Variants in THRB observed in about 807,000 individuals in gnomAD.
THRB encodes the protein nuclear receptor subfamily 1 group A member 2.
Under a neutral mutation model 47.8 loss-of-function variants are expected in THRB, and 12 were observed. The ratio of observed to expected loss-of-function variants is 0.25; its 90% CI spans 0.16 to 0.41. The LOEUF is 0.41. Ranked by LOEUF, THRB falls within the 10% of genes least tolerant of loss-of-function variation. The pLI, the probability that THRB is intolerant of heterozygous loss-of-function variation, is 1.00. For missense variants in THRB, 348 were observed against 589.2 expected (o/e 0.59, Z 4.24); for synonymous variants, 218 against 212.2 (o/e 1.03, Z -0.24).
chr3:24,494,344 G>A (rs1698682926), intron 1 of THRB: 1 of 152,294 alleles, frequency 6.6e-6, no homozygotes, highest in Non-Finnish European at 1.5e-5. Context: ...TGGGGTTTGA[G>A]GAACAGAGCC....
At chr3:24,199,015 T>C (rs369768617) in intron 4 of THRB, among the ~76,000 whole-genome samples, 2 of 152,354 alleles carry the variant, frequency 1.3e-5, no homozygotes, top group African/African-American at 4.8e-5. Flanking sequence ...AGCTCAGATT[T>C]ATGGAGCATT....
At chr3:24,251,712 C>T (rs1446800389) in intron 3 of THRB, among the ~76,000 whole-genome samples, 1 of 151,868 alleles carries the variant, frequency 6.6e-6, no homozygotes, top group African/African-American at 2.4e-5. Flanking sequence ...CCTGAAAATG[C>T]CAAATCCAGA....
chr3:24,299,925 G>A (rs550220854), intron 2 of THRB, among the ~76,000 whole-genome samples: 38 of 151,970 alleles, frequency 2.5e-4, no homozygotes, highest in African/African-American at 7.2e-4. Context: ...GGAAAGAGGA[G>A]CAGGACAGCT....
chr3:24,304,174 C>T (rs934160058), intron 2 of THRB, among the ~76,000 whole-genome samples: 4 of 152,048 alleles, frequency 2.6e-5, no homozygotes, highest in Admixed American at 6.5e-5. Flanking sequence ...AATATTTGAA[C>T]GACATATTCT....
Position 24,146,684 on chromosome 3 carries a change from C to G in THRB, c.523G>C (p.Ala175Pro). The G allele has an allele frequency of 6.2e-7, 1 of 1,614,050 alleles. No individual in the cohort carries two copies. Among genetic ancestry groups the G allele is most frequent in the Non-Finnish European group, 8.5e-7 (1 of 1,179,900 alleles). ...RFKKCIYVGM[A>P]TDLVLDDSKR... ...GTGAAGATCTACTTACAATCTGTTGCCATGCCAACATAGATGCATTTCTTA... is the reference window on the plus strand; with the variant it reads ...GTGAAGATCTACTTACAATCTGTTGGCATGCCAACATAGATGCATTTCTTA... Residue 175 changes from alanine (A) to proline (P), a missense_variant, in exon 7 of 11, where the codon GCA (alanine) becomes CCA (proline). By Grantham distance (27) the Ala-to-Pro change is conservative. This residue lies in a region of THRB where 112 missense variants were observed against 212.3 expected (regional missense o/e 0.53). Coordinates refer to ENST00000646209, the MANE Select transcript of THRB (RefSeq NM_001354712.2).
chr3:24,187,896 T>C (rs2042804059), intron 5 of THRB, among the ~76,000 whole-genome samples: 1 of 152,188 alleles, frequency 6.6e-6, no homozygotes, highest in Non-Finnish European at 1.5e-5. Context: ...ATGACACAGG[T>C]TTCCTGGTGG....
chr3:24,241,261 C>T (rs780205500), intron 3 of THRB, among the ~76,000 whole-genome samples: 43 of 152,258 alleles, frequency 2.8e-4, no homozygotes, highest in Middle Eastern at 3.4e-3. Context: ...GGGGTTTTCA[C>T]GGCAGAATCA....
At chr3:24,436,254 G>T (rs1293148610) in intron 1 of THRB, among the ~76,000 whole-genome samples, 6 of 151,864 alleles carry the variant, frequency 4.0e-5, no homozygotes, top group African/African-American at 7.3e-5. Flanking sequence ...ACAGAAGAAG[G>T]AATACTGGCA....
chr3:24,205,288 G>C (rs939599305), intron 4 of THRB, among the ~76,000 whole-genome samples: 1 of 152,212 alleles, frequency 6.6e-6, no homozygotes, highest in African/African-American at 2.4e-5. Flanking sequence ...AAGCCCATCA[G>C]ACTAATAGCA....
chr3:24,397,070 T>A (rs2067019221), intron 1 of THRB, among the ~76,000 whole-genome samples: 1 of 152,062 alleles, frequency 6.6e-6, no homozygotes. Context: ...AGGGAAACAA[T>A]TAGAACTCAG....
intron 3 of THRB, among the ~76,000 whole-genome samples, chr3:24,286,897 C>T (rs140461692): frequency 1.3e-5 from 2 of 152,090 alleles, no homozygotes; most frequent in South Asian, 2.1e-4. Flanking sequence ...AAGAGGAACA[C>T]GAGAGTGGGG....
At chr3:24,221,431 A>T (rs1209297459) in intron 4 of THRB, among the ~76,000 whole-genome samples, 1 of 152,190 alleles carries the variant, frequency 6.6e-6, no homozygotes, top group Non-Finnish European at 1.5e-5. Flanking sequence ...GATGTGCTGG[A>T]CAGCTCTTGG....
intron 3 of THRB, among the ~76,000 whole-genome samples, chr3:24,291,038 C>G (rs923676845): frequency 6.6e-6 from 1 of 152,138 alleles, no homozygotes; most frequent in Non-Finnish European, 1.5e-5. Flanking sequence ...ACTAATTGAT[C>G]CCCTCCAACT....
intron 5 of THRB, among the ~76,000 whole-genome samples, chr3:24,161,887 C>G (rs1314727214): frequency 7.4e-6 from 1 of 135,226 alleles, no homozygotes; most frequent in Non-Finnish European, 1.6e-5. Context: ...TTCTTATTCT[C>G]TTGGACATGA....
intron 3 of THRB, among the ~76,000 whole-genome samples, chr3:24,239,605 G>A (rs144586635): frequency 2.0e-5 from 3 of 152,160 alleles, no homozygotes; most frequent in African/African-American, 7.2e-5. Context: ...AAAAATCACA[G>A]GAGCCTTGGT....
chr3:24,139,384 TCTTTC>T (rs1305381406), intron 8 of THRB, among the ~76,000 whole-genome samples: 4 of 126,060 alleles, frequency 3.2e-5, no homozygotes, highest in African/African-American at 9.0e-5. Flanking sequence ...CTTTTTCTTT[TCTTTC>T]TTTTTTTTTT....
At chr3:24,428,233 A>G (rs1188938734) in intron 1 of THRB, among the ~76,000 whole-genome samples, 1 of 152,028 alleles carries the variant, frequency 6.6e-6, no homozygotes, top group Non-Finnish European at 1.5e-5. Flanking sequence ...TAAACAAAAT[A>G]TTATTGAGTA....
At chr3:24,424,239 C>T (rs2069544540) in intron 1 of THRB, among the ~76,000 whole-genome samples, 1 of 151,664 alleles carries the variant, frequency 6.6e-6, no homozygotes, top group Admixed American at 6.6e-5. Flanking sequence ...TGTTCTGGGG[C>T]GGACATCAGG....
At chr3:24,457,717 A>T (rs903359739) in intron 1 of THRB, among the ~76,000 whole-genome samples, 1 of 152,168 alleles carries the variant, frequency 6.6e-6, no homozygotes, top group African/African-American at 2.4e-5. Flanking sequence ...TTTAATATCA[A>T]TATGTCATCA....
Sources: allele counts gnomAD v4.1 joint callset (sites outside exome capture counted in the v4.1 genomes callset), GRCh38; gene constraint gnomAD v4.1.1; regional missense constraint gnomAD v4.1.1; transcripts MANE v1.5; gene names NCBI Gene and HGNC (gene_info 2026-07-23, HGNC 2026-07-21).